MYH7B: variants seen among roughly 807,000 people sequenced by gnomAD.
The protein encoded by MYH7B is myosin-7B.
A neutral mutation model predicts 234.5 loss-of-function variants in MYH7B; 205 were observed. The ratio of observed to expected loss-of-function variants is 0.87; its 90% CI spans 0.78 to 0.98. MYH7B has a LOEUF of 0.98. Ranked by LOEUF, MYH7B falls within the 50% of genes least tolerant of loss-of-function variation. The pLI is 0.00. For synonymous variants in MYH7B, 1,193 were observed against 1,105.0 expected, an observed-to-expected ratio of 1.08 and a Z score of -1.58; for missense variants, 2,652 against 2,633.4, an observed-to-expected ratio of 1.01 and a Z score of -0.15.
At position 34,998,563 on chromosome 20, in the gene MYH7B, C is replaced by A. The variant is rs777316019; in HGVS notation, c.3927C>A (p.Ser1309Arg). ...AGGAGTGTCTGATCAGTCAGCTGAG[C>A]CGTGGAAAGGCCCTGGCCGCCCAAA... The change falls in exon 34 of 45, where the codon AGC (serine) becomes AGA (arginine). Residue 1309 changes from serine to arginine, a missense_variant. Ser to Arg is a moderately radical substitution (Grantham distance 110). Around this residue, in one of 3 missense-constraint regions of MYH7B, gnomAD observed 2,279 missense variants for 2,211.4 expected, o/e 1.03. Transcript: ENST00000262873. 3.7e-6 allele frequency: 6 copies of A among 1,613,568 alleles called. No homozygotes were observed. The African/African-American group carries it at 6.7e-5, about 18-fold the overall frequency.
Position 34,999,957 on chromosome 20 carries a change from A to T in MYH7B, c.4781+51A>T, listed in dbSNP as rs2082339341. ...ACCTCCCGAGAGCAGAAGGGGAGGG[A>T]AGCAGTGTGTACTCTGCTCTCTAGT... is the stretch of plus-strand genomic sequence containing the variant. On this transcript the variant is annotated intron_variant, in intron 38 of 44. Transcript: ENST00000262873. 4 of 1,503,338 alleles carry T rather than the reference A, an allele frequency of 2.7e-6. No homozygotes were observed. In the East Asian group the frequency reaches 9.3e-5, roughly 35 times the overall value. 93.1% of individuals were successfully genotyped at this position (1,503,338 alleles called of 1,614,324 possible).
intron 8 of MYH7B, 87 bp downstream of exon 8, chr20:34,980,821 C>T: frequency 1.9e-6 from 3 of 1,556,428 alleles, no homozygotes; most frequent in Middle Eastern, 2.0e-4. Context: ...CCCCCACTGG[C>T]ACTGCCCCCC....
chr20:34,964,724 G>C (rs143300578), intron 2 of MYH7B, among the ~76,000 whole-genome samples: 4 of 152,172 alleles, frequency 2.6e-5, no homozygotes, highest in African/African-American at 9.7e-5. Flanking sequence ...ATAGAGACCA[G>C]CCTGGGCAAC....
intron 27 of MYH7B, among the ~76,000 whole-genome samples, chr20:34,994,955 G>A (rs1386512766): frequency 2.0e-5 from 3 of 152,244 alleles, no homozygotes; most frequent in African/African-American, 7.2e-5. Context: ...GAAATGGGGG[G>A]TAAGGATACC....
chr20:34,963,607 T>A (rs1032634577), intron 2 of MYH7B, among the ~76,000 whole-genome samples: 3 of 152,254 alleles, frequency 2.0e-5, no homozygotes, highest in Non-Finnish European at 2.9e-5. Flanking sequence ...TTATTTATTT[T>A]TTCCTTTGCT....
exon 10 of MYH7B, chr20:34,982,528 C>G (rs759549511): frequency 1.9e-5 from 30 of 1,610,474 alleles, no homozygotes; most frequent in Non-Finnish European, 2.4e-5. Context: ...TCGTCGCTGC[C>G]CTGGGAGACG....
rs1222110969 is a variant in MYH7B, at chr20:34,987,917, G to A, written c.1416+3G>A. 9 of 1,591,542 alleles carry A rather than the reference G, an allele frequency of 5.7e-6. No homozygotes were observed. Among genetic ancestry groups the A allele is most frequent in the Admixed American group, 1.7e-5 (1 of 58,818 alleles). ...TCGCTGGGTTTGAGATCTTTGAGGT[G>A]AGGACAGGCCCTCACCTTGGCCTCT... On this transcript the variant is annotated splice_donor_region_variant and intron_variant, in intron 18 of 44. Transcript: ENST00000262873.
At position 34,987,630 on chromosome 20, in the gene MYH7B, G is replaced by A. The variant is rs1233236277; in HGVS notation, c.1221G>A (p.Val407=). The stretch of plus-strand genomic sequence containing the variant: ...TCAAAGGCCTTTTGCACCCCCGGGT[G>A]CGTGTAGGGAACGAGTACGTGACCA... Residue 407 remains valine, a synonymous_variant, in exon 17 of 45, where the codon GTG becomes GTA. Coordinates refer to ENST00000262873, the Ensembl canonical transcript of MYH7B. The A allele has an allele frequency of 2.5e-6, 4 of 1,614,028 alleles. No individual in the cohort carries two copies. In the East Asian group the frequency reaches 8.9e-5, roughly 36 times the overall value.
chr20:34,986,322 T>C, intron 14 of MYH7B, 124 bp downstream of exon 14: 1 of 729,164 alleles, frequency 1.4e-6, no homozygotes, highest in Non-Finnish European at 2.3e-6. Context: ...CTGTGGCCTC[T>C]CTTCCTTCTT....
chr20:34,989,943 C>G (rs1325519517), intron 20 of MYH7B, 24 bp downstream of exon 20: 2 of 1,612,620 alleles, frequency 1.2e-6, no homozygotes, highest in African/African-American at 1.3e-5. Context: ...GGAACCCCAG[C>G]CCTCGGCCAG....
At position 34,996,486 on chromosome 20, in the gene MYH7B, CAAGGCCAAGCTCCGGCTGGA is replaced by C; in HGVS notation, c.3085_3104del (p.Lys1029AlafsTer30). 6.2e-7 allele frequency: 1 copy of C among 1,611,984 alleles called. No individual in the cohort carries two copies. The highest frequency in any genetic ancestry group is 8.5e-7 in the Non-Finnish European group (1 of 1,179,300). On this transcript the variant is annotated frameshift_variant, in exon 29 of 45. Transcript: ENST00000262873. LOFTEE classifies it high-confidence loss of function. ...AGGAGGACCGTGTGAGCGCGCTGAC[CAAGGCCAAGCTCCGGCTGGA>C]GCAACAGGTGGAGGACGTGAGTCAG...
intron 27 of MYH7B, 135 bp from the exon 28 acceptor site, chr20:34,995,201 A>G: frequency 2.4e-6 from 2 of 839,082 alleles, no homozygotes; most frequent in South Asian, 1.7e-5. Flanking sequence ...AGAGCGAGTC[A>G]AGACATTCCT....
intron 7 of MYH7B, 50 bp from the exon 8 acceptor site, chr20:34,980,528 A>T: frequency 2.0e-6 from 3 of 1,465,088 alleles, no homozygotes; most frequent in Non-Finnish European, 2.9e-6. Flanking sequence ...ACAGAGCAAG[A>T]CTCCATCTCA....
Position 34,997,079 on chromosome 20 carries a change from C to T in MYH7B, c.3267-4C>T. The T allele has an allele frequency of 6.5e-7, 1 of 1,548,414 alleles. No individual in the cohort carries two copies. The highest frequency in any genetic ancestry group is 8.7e-7 in the Non-Finnish European group (1 of 1,146,652). ...GTGCTGGCCACCCACTCTGTGGCTC[C>T]CAGGAAGGACTCCGAGCTGAGCCAG... On this transcript the variant is annotated splice_polypyrimidine_tract_variant and splice_region_variant and intron_variant, in intron 30 of 44. Coordinates refer to ENST00000262873, the Ensembl canonical transcript of MYH7B.
At position 34,988,276 on chromosome 20, in the gene MYH7B, CA is replaced by C; in HGVS notation, c.1587+16del. On this transcript the variant is annotated intron_variant, in intron 19 of 44. Transcript: ENST00000262873. ...CTCATCGAGAAGGTGGGTGCCGCGG[CA>C]AGGTCACTTTGAGGAAGGGAGGGTG... The C allele has an allele frequency of 6.2e-7, 1 of 1,606,166 alleles. No individual in the cohort carries two copies. Among genetic ancestry groups the C allele is most frequent in the East Asian group, 2.2e-5 (1 of 44,730 alleles).
At chr20:34,983,901 C>T (rs1483517184) in intron 10 of MYH7B, among the ~76,000 whole-genome samples, 3 of 152,158 alleles carry the variant, frequency 2.0e-5, no homozygotes, top group Non-Finnish European at 4.4e-5. Flanking sequence ...TCCTTGGCTC[C>T]CAGCATCCGG....
At chr20:34,964,507 G>T (rs758226461) in intron 2 of MYH7B, among the ~76,000 whole-genome samples, 1 of 152,206 alleles carries the variant, frequency 6.6e-6, no homozygotes, top group Non-Finnish European at 1.5e-5. Flanking sequence ...GAGGACGGTT[G>T]TCACCTTGAA....
At chr20:34,982,684 C>A in intron 10 of MYH7B, 129 bp downstream of exon 10, 1 of 794,616 alleles carries the variant, frequency 1.3e-6, no homozygotes, top group Non-Finnish European at 1.9e-6. Flanking sequence ...CTGCCTGAGC[C>A]TCCCACCCTG....
rs779594043 is a variant in MYH7B, at chr20:35,001,008, G to A, written c.5325G>A (p.Glu1775=). ...AACAGGCGGCCATGATGGCCGAGGA[G>A]CTGAAGAAGGAGCAGGACACAAGTG... The change falls in exon 41 of 45, where the codon GAG becomes GAA. Residue 1775 remains glutamate (E), a synonymous_variant. Transcript: ENST00000262873. The A allele has an allele frequency of 3.9e-5, 63 of 1,613,762 alleles. 1 individual carries two copies. The Admixed American group carries it at 8.0e-4, about 20-fold the overall frequency.
Sources: gnomAD v4.1 joint callset for allele counts (sites outside exome capture counted in the v4.1 genomes callset) on GRCh38, gnomAD v4.1.1 for gene constraint, gnomAD v4.1.1 regional missense constraint, MANE v1.5 for transcripts, NCBI Gene and HGNC (gene_info 2026-07-23, HGNC 2026-07-21) for gene names.